The following HAUS6 variants were observed in gnomAD, a reference collection of about 807,000 sequenced individuals.
HAUS6 encodes HAUS augmin like complex subunit 6.
Under a neutral mutation model 106.8 loss-of-function variants are expected in HAUS6, and 80 were observed. The ratio of observed to expected loss-of-function variants is 0.75; its 90% CI spans 0.63 to 0.90. The LOEUF is 0.90. HAUS6 is among the 40% of genes least tolerant of loss of function. HAUS6 has a pLI of 0.00. For missense variants in HAUS6, 1,155 were observed against 1,118.1 expected, an observed-to-expected ratio of 1.03 and a Z score of -0.47; for synonymous variants, 356 against 379.1, an observed-to-expected ratio of 0.94 and a Z score of 0.71.
intron 6 of HAUS6, 38 bp downstream of exon 6, chr9:19,087,053 A>G: frequency 1.1e-6 from 1 of 928,770 alleles, no homozygotes; most frequent in Non-Finnish European, 1.8e-6. Flanking sequence ...GAGCTAAACT[A>G]GTATCTAAGG....
In HAUS6 at chr9:19,092,916, C is replaced by CAAAAAAAAAAAAAAAAAAAA. The variant is rs71494998; in HGVS notation, c.436+254_436+255insTTTTTTTTTTTTTTTTTTTT. Among the ~76,000 whole-genome samples, 224 of 75,784 alleles carry CAAAAAAAAAAAAAAAAAAAA rather than the reference C, an allele frequency of 3.0e-3. 2 individuals carry two copies. Among genetic ancestry groups the CAAAAAAAAAAAAAAAAAAAA allele is most frequent in the Non-Finnish European group, 4.7e-3 (160 of 34,408 alleles). The allele number at this position is 75,784 out of a possible 152,430, so 49.7% of individuals were successfully genotyped here. A position where few individuals can be genotyped will look rare whatever the true frequency, so the allele number is the denominator to read the frequency against. ...CTCCAGCTTGAGCGAAACTGTGTCT[C>CAAAAAAAAAAAAAAAAAAAA]AAAAAAAAAAAAAAAAAGAAATGTT... On this transcript the variant is annotated intron_variant, in intron 4 of 16. Transcript: ENST00000380502.
intron 5 of HAUS6, among the ~76,000 whole-genome samples, chr9:19,087,799 T>A (rs768419786): frequency 2.2e-5 from 3 of 134,306 alleles, no homozygotes; most frequent in Non-Finnish European, 4.6e-5. Context: ...GTCATAATCA[T>A]GCCACTGCAC....
chr9:19,095,649 G>T (rs1441013689), intron 2 of HAUS6, among the ~76,000 whole-genome samples: 1 of 151,940 alleles, frequency 6.6e-6, no homozygotes, highest in East Asian at 1.9e-4. Flanking sequence ...ATTGAAAATA[G>T]ATTATCAAAA....
At chr9:19,093,599 TG>T (rs1296533996) in intron 3 of HAUS6, among the ~76,000 whole-genome samples, 6 of 152,218 alleles carry the variant, frequency 3.9e-5, no homozygotes, top group African/African-American at 1.4e-4. Flanking sequence ...CTGGGTGTGG[TG>T]GCTCATACCT....
intron 3 of HAUS6, 35 bp from the exon 4 acceptor site, chr9:19,093,338 T>G: frequency 6.5e-7 from 1 of 1,545,676 alleles, no homozygotes; most frequent in Non-Finnish European, 8.8e-7. Flanking sequence ...TTTGAAGACC[T>G]TGTTAACAAT....
In HAUS6 at chr9:19,099,209, C is replaced by T. The variant is rs555320554; in HGVS notation, c.129-2440G>A. 5.5e-3 allele frequency among the ~76,000 whole-genome samples: 832 copies of T among 150,764 alleles called. 4 individuals are homozygous for T. The highest frequency in any genetic ancestry group is 0.01 in the Non-Finnish European group (693 of 67,724). On this transcript the variant is annotated intron_variant, in intron 1 of 16. Transcript: ENST00000380502. ...TGAGACGGAGTCTCGCTCTGTCCCC[C>T]AGGCTGGAGTGCAGCGGCGCGATCT...
At chr9:19,063,637 T>C (rs757313629) in intron 12 of HAUS6, 57 bp from the exon 13 acceptor site, 2 of 1,107,740 alleles carry the variant, frequency 1.8e-6, no homozygotes, top group Non-Finnish European at 2.8e-6. Context: ...TTCCATTCCC[T>C]TTACGAGTCT....
At chr9:19,097,294 G>A (rs923243190) in intron 1 of HAUS6, among the ~76,000 whole-genome samples, 5 of 152,092 alleles carry the variant, frequency 3.3e-5, no homozygotes, top group Admixed American at 2.0e-4. Context: ...AAAAGAAACT[G>A]CCATCAGAGT....
chr9:19,097,649 C>T (rs953378886), intron 1 of HAUS6, among the ~76,000 whole-genome samples: 2 of 152,052 alleles, frequency 1.3e-5, no homozygotes, highest in Non-Finnish European at 2.9e-5. Context: ...AATATGTCAC[C>T]TCACCCTAGA....
At chr9:19,060,719 C>G (rs541256335) in intron 14 of HAUS6, among the ~76,000 whole-genome samples, 42 of 152,314 alleles carry the variant, frequency 2.8e-4, no homozygotes, top group African/African-American at 1.0e-3. Flanking sequence ...CTGAAAAAAG[C>G]ATACGTACAT....
At chr9:19,086,954 CTA>C in intron 6 of HAUS6, 135 bp downstream of exon 6, 2 of 631,370 alleles carry the variant, frequency 3.2e-6, no homozygotes, top group Middle Eastern at 4.2e-4. Flanking sequence ...GCAGTCATAA[CTA>C]TGCTCTAATC....
At chr9:19,071,833 G>C (rs183655420) in intron 11 of HAUS6, among the ~76,000 whole-genome samples, 2 of 152,080 alleles carry the variant, frequency 1.3e-5, no homozygotes, top group East Asian at 3.9e-4. Flanking sequence ...GGCTCCCAAA[G>C]TGCTGGGATT....
chr9:19,056,257 A>C lies in HAUS6; in HGVS notation c.*86T>G, dbSNP rs1214510765. 4 of 743,956 alleles carry C rather than the reference A, an allele frequency of 5.4e-6. No homozygotes were observed. Among genetic ancestry groups the C allele is most frequent in the Non-Finnish European group, 9.6e-6 (4 of 418,420 alleles). The allele number at this position is 743,956 out of a possible 1,614,324, so 46.1% of individuals were successfully genotyped here. The stretch of plus-strand genomic sequence containing the variant: ...CTTGAAAAACAGTGTTACACTTCCA[A>C]CATGTATTTAAGTTGTAATTCATTT... On this transcript the variant is annotated 3_prime_UTR_variant, in exon 17 of 17. Transcript: ENST00000380502.
chr9:19,058,252 C>T lies in HAUS6; in HGVS notation c.2515G>A (p.Ala839Thr). ...NLQALRSRYEALKKSLSKKRE... is the reference protein window; with the variant it reads ...NLQALRSRYETLKKSLSKKRE... ...TTCTTGGAAAGAGATTTCTTCAGAG[C>T]CTCGTATCTACTGCGAAGAGCCTGT... The change falls in exon 16 of 17, where the codon GCT becomes ACT. Residue 839 changes from alanine to threonine, a missense_variant. Ala to Thr is a moderately conservative substitution (Grantham distance 58). Coordinates refer to ENST00000380502, the MANE Select transcript of HAUS6 (RefSeq NM_017645.5). 1 of 1,613,808 alleles carries T rather than the reference C, an allele frequency of 6.2e-7. No individual in the cohort carries two copies. Among genetic ancestry groups the T allele is most frequent in the Non-Finnish European group, 8.5e-7 (1 of 1,179,808 alleles).
At position 19,058,750 on chromosome 9, in the gene HAUS6, T is replaced by C. The variant is rs752136153; in HGVS notation, c.2017A>G (p.Ser673Gly). 9 of 1,614,108 alleles carry C rather than the reference T, an allele frequency of 5.6e-6. No individual in the cohort carries two copies. The African/African-American group carries it at 9.3e-5, about 17-fold the overall frequency. ...TGTGTTGGTGGTTCATCTATGTGACTGGTCAGCACATGTTTCTGAGGCACA... is the reference window on the plus strand; with the variant it reads ...TGTGTTGGTGGTTCATCTATGTGACCGGTCAGCACATGTTTCTGAGGCACA... ...ECVPQKHVLT[S>G]HIDEPPTQNQ... The change falls in exon 16 of 17, where the codon AGT (serine) becomes GGT (glycine). Residue 673 changes from serine (S) to glycine (G), a missense_variant. Physicochemically the swap from Ser to Gly is moderately conservative, Grantham distance 56. Coordinates refer to ENST00000380502, the MANE Select transcript of HAUS6 (RefSeq NM_017645.5).
At position 19,058,772 on chromosome 9, in the gene HAUS6, C is replaced by G. The variant is rs1836540425; in HGVS notation, c.1995G>C (p.Val665=). The G allele has an allele frequency of 1.2e-5, 20 of 1,614,182 alleles. No homozygotes were observed. In the East Asian group the frequency reaches 4.5e-4, roughly 36 times the overall value. ...GACTGGTCAGCACATGTTTCTGAGG[C>G]ACACACTCGCAATCTGAAATAACTT... ...EEKVISDCEC[V]PQKHVLTSHI... Residue 665 remains valine, a synonymous_variant, in exon 16 of 17, where the codon GTG becomes GTC. Transcript: ENST00000380502.
intron 1 of HAUS6, among the ~76,000 whole-genome samples, chr9:19,098,324 G>A (rs1368005881): frequency 1.3e-5 from 2 of 151,810 alleles, no homozygotes; most frequent in Non-Finnish European, 2.9e-5. Flanking sequence ...TGTAATCCCA[G>A]CTACTCAGGA....
In HAUS6 at chr9:19,056,143, T is replaced by G; in HGVS notation, c.*200A>C. 1 of 476,070 alleles carries G rather than the reference T, an allele frequency of 2.1e-6. No homozygotes were observed. The highest frequency in any genetic ancestry group is 3.7e-6 in the Non-Finnish European group (1 of 271,654). The allele number at this position is 476,070 out of a possible 1,614,324, so 29.5% of individuals were successfully genotyped here. Reference sequence around the variant, plus strand: ...CCAAATACTTCACATTTCAATCTCATATACCTACAAAGAGGAAAAAATCCA... The same window carrying G: ...CCAAATACTTCACATTTCAATCTCAGATACCTACAAAGAGGAAAAAATCCA... On this transcript the variant is annotated 3_prime_UTR_variant, in exon 17 of 17. Coordinates refer to ENST00000380502, the MANE Select transcript of HAUS6 (RefSeq NM_017645.5).
intron 5 of HAUS6, among the ~76,000 whole-genome samples, chr9:19,087,846 C>CACA (rs1817654425): frequency 1.3e-5 from 1 of 78,714 alleles, no homozygotes; most frequent in Non-Finnish European, 2.3e-5. Flanking sequence ...GACCTTGTCT[C>CACA]AAAAAAAAAA....
Sources: allele counts gnomAD v4.1 joint callset (sites outside exome capture counted in the v4.1 genomes callset), GRCh38; gene constraint gnomAD v4.1.1; transcripts MANE v1.5; gene names NCBI Gene and HGNC (gene_info 2026-07-23, HGNC 2026-07-21).